TEX9: variants seen among roughly 807,000 people sequenced by gnomAD.
TEX9 encodes testis-expressed protein 9.
In TEX9, 74 loss-of-function variants were observed where a neutral mutation model predicts 59.6. The ratio of observed to expected loss-of-function variants is 1.24; its 90% CI spans 1.03 to 1.51. The LOEUF is 1.51. Ranked by LOEUF, TEX9 falls within the 40% of genes most tolerant of loss-of-function variation. The pLI is 0.00. For synonymous variants in TEX9, 186 were observed against 152.2 expected, an observed-to-expected ratio of 1.22 and a Z score of -1.64; for missense variants, 522 against 447.8, an observed-to-expected ratio of 1.17 and a Z score of -1.49.
intron 10 of TEX9, among the ~76,000 whole-genome samples, chr15:56,419,548 A>G (rs1340216527): frequency 1.3e-5 from 2 of 151,814 alleles, no homozygotes; most frequent in African/African-American, 2.4e-5. Flanking sequence ...TAGTCTTTCA[A>G]ATGTTAAAAC....
Position 56,365,775 on chromosome 15 carries a change from T to A in TEX9, c.119+105T>A. 3 of 1,508,490 alleles carry A rather than the reference T, an allele frequency of 2.0e-6. No individual in the cohort carries two copies. The South Asian group carries it at 4.1e-5, about 20-fold the overall frequency. The allele number at this position is 1,508,490 out of a possible 1,614,324, so 93.4% of individuals were successfully genotyped here. A position where few individuals can be genotyped will look rare whatever the true frequency, so the allele number is the denominator to read the frequency against. ...TGGCTGGATCTTCGGGACCACTCAC[T>A]CTGCAGCATTCCCTTCTCGTCATCT... is the stretch of plus-strand genomic sequence containing the variant. On this transcript the variant is annotated intron_variant, in intron 2 of 12. Transcript: ENST00000352903.
intron 12 of TEX9, chr15:56,443,437 T>C (rs1431151626): frequency 2.6e-6 from 4 of 1,566,472 alleles, no homozygotes; most frequent in Non-Finnish European, 3.4e-6. Context: ...TACTTTTAGC[T>C]TGCTCTTATA....
intron 1 of TEX9, among the ~76,000 whole-genome samples, chr15:56,310,250 G>A (rs2045578915): frequency 6.6e-6 from 1 of 152,110 alleles, no homozygotes; most frequent in Non-Finnish European, 1.5e-5. Flanking sequence ...TGACCAACAT[G>A]GTGAAACCCC....
chr15:56,384,519 A>C (rs189698749), intron 4 of TEX9, among the ~76,000 whole-genome samples: 3 of 152,324 alleles, frequency 2.0e-5, no homozygotes, highest in Admixed American at 2.0e-4. Flanking sequence ...TGGACCATGT[A>C]GAAAAAAGGA....
At chr15:56,246,948 A>G (rs1440456427) in intron 1 of TEX9, among the ~76,000 whole-genome samples, 2 of 152,230 alleles carry the variant, frequency 1.3e-5, no homozygotes, top group African/African-American at 4.8e-5. Context: ...AAACCAGGGA[A>G]GTGTTGTCCA....
chr15:56,253,252 T>C (rs192862667), intron 1 of TEX9, among the ~76,000 whole-genome samples: 256 of 151,976 alleles, frequency 1.7e-3, no homozygotes, highest in Non-Finnish European at 2.6e-3. Flanking sequence ...AGAGGCACCA[T>C]TGGATGGCAA....
At chr15:56,359,065 T>C (rs2046743296) in intron 1 of TEX9, among the ~76,000 whole-genome samples, 1 of 152,164 alleles carries the variant, frequency 6.6e-6, no homozygotes, top group Non-Finnish European at 1.5e-5. Flanking sequence ...ATAATCACTT[T>C]ACAAAGCTGT....
the TEX9 span, among the ~76,000 whole-genome samples, chr15:56,457,697 C>G: frequency 1.3e-5 from 2 of 151,848 alleles, no homozygotes; most frequent in African/African-American, 4.8e-5. Flanking sequence ...ATCTGTAGTT[C>G]TAGCTGTATC....
chr15:56,304,868 A>T (rs1310770950), intron 1 of TEX9, among the ~76,000 whole-genome samples: 1 of 152,114 alleles, frequency 6.6e-6, no homozygotes, highest in African/African-American at 2.4e-5. Flanking sequence ...GACCACAGGC[A>T]TACACCACCA....
chr15:56,320,505 G>A (rs2045878132), intron 1 of TEX9, among the ~76,000 whole-genome samples: 1 of 152,036 alleles, frequency 6.6e-6, no homozygotes, highest in Admixed American at 6.6e-5. Flanking sequence ...AGATAGAGAG[G>A]AGAAAGAGAG....
chr15:56,255,008 C>A lies in TEX9; in HGVS notation c.-107+10730C>A, dbSNP rs143937513. ...CCAAGAAAGATGAAGGTGAAGCATT[C>A]AAGAATCAGTGGAGAGAAAAGAGAT... On this transcript the variant is annotated intron_variant, in intron 1 of 5. Transcript: ENST00000560827. Among the ~76,000 whole-genome samples the A allele has an allele frequency of 2.3e-3, 344 of 151,922 alleles. 2 individuals carry two copies. The highest frequency in any genetic ancestry group is 7.9e-3 in the African/African-American group (329 of 41,486).
intron 1 of TEX9, among the ~76,000 whole-genome samples, chr15:56,341,126 G>C (rs1436666005): frequency 4.6e-5 from 7 of 152,014 alleles, no homozygotes; most frequent in African/African-American, 1.7e-4. Flanking sequence ...TGAAGATGAG[G>C]GTTTCTTTAA....
rs184467986 is a variant in TEX9, at chr15:56,439,906, T to C, written c.*30-5765T>C. On this transcript the variant is annotated intron_variant, in intron 12 of 12. Transcript: ENST00000352903. Reference sequence around the variant, plus strand: ...AGAAAAACTGATAAACTGAACTTCATAGAAATGGAGAACATTTGCTCTAAG... The same window carrying C: ...AGAAAAACTGATAAACTGAACTTCACAGAAATGGAGAACATTTGCTCTAAG... Among the ~76,000 whole-genome samples, 879 of 152,104 alleles carry C rather than the reference T, an allele frequency of 5.8e-3. 6 individuals are homozygous for C. The highest frequency in any genetic ancestry group is 9.8e-3 in the Non-Finnish European group (664 of 67,946).
chr15:56,280,441 A>G (rs1311992186), intron 1 of TEX9, among the ~76,000 whole-genome samples: 2 of 152,192 alleles, frequency 1.3e-5, no homozygotes, highest in Non-Finnish European at 2.9e-5. Flanking sequence ...CCTTCCTTGT[A>G]TCTTCTGAAC....
intron 1 of TEX9, chr15:56,323,283 G>C (rs544699118): frequency 4.6e-6 from 1 of 215,366 alleles, no homozygotes; most frequent in African/African-American, 2.3e-5. Context: ...CAAAGAGAAA[G>C]GAAAATTTGA....
At chr15:56,419,783 A>G (rs1321484520) in intron 10 of TEX9, among the ~76,000 whole-genome samples, 1 of 151,832 alleles carries the variant, frequency 6.6e-6, no homozygotes, top group African/African-American at 2.4e-5. Flanking sequence ...CCTTTATTAA[A>G]TGAACTTCCA....
At chr15:56,331,197 A>T (rs376850538) in intron 1 of TEX9, among the ~76,000 whole-genome samples, 3 of 152,234 alleles carry the variant, frequency 2.0e-5, no homozygotes, top group Admixed American at 6.5e-5. Context: ...CCTCAATATA[A>T]TAATAGCTGG....
At chr15:56,433,266 G>A (rs2050648049) in intron 12 of TEX9, among the ~76,000 whole-genome samples, 1 of 150,890 alleles carries the variant, frequency 6.6e-6, no homozygotes, top group African/African-American at 2.4e-5. Context: ...GGGGGGTGGG[G>A]GGGACAAGGG....
chr15:56,404,404 T>A (rs1226226862), intron 9 of TEX9, among the ~76,000 whole-genome samples: 5 of 152,166 alleles, frequency 3.3e-5, no homozygotes, highest in Non-Finnish European at 4.4e-5. Context: ...CACTGGTCAT[T>A]AGAGGAATGC....
Sources: gnomAD v4.1 joint callset for allele counts (sites outside exome capture counted in the v4.1 genomes callset) on GRCh38, gnomAD v4.1.1 for gene constraint, MANE v1.5 for transcripts, NCBI Gene and HGNC (gene_info 2026-07-23, HGNC 2026-07-21) for gene names.